Variants in ZFC3H1 observed in about 807,000 individuals in gnomAD.
ZFC3H1 encodes zinc finger C3H1-type containing, also known as zinc finger C3H1 domain-containing protein.
ZFC3H1 carries 71 observed loss-of-function variants against 243.7 expected under a neutral mutation model. The ratio of observed to expected loss-of-function variants is 0.29; its 90% CI spans 0.24 to 0.36. The LOEUF (loss-of-function observed/expected upper bound fraction) is 0.36. ZFC3H1 is among the 10% of genes least tolerant of loss of function. ZFC3H1 has a pLI of 1.00. For missense variants in ZFC3H1, 1,966 were observed against 2,317.1 expected, an observed-to-expected ratio of 0.85 and a Z score of 3.11; for synonymous variants, 838 against 813.0, an observed-to-expected ratio of 1.03 and a Z score of -0.52.
chr12:71,613,562 T>C (rs1378225437), intron 30 of ZFC3H1, 127 bp from the exon 31 acceptor site: 3 of 557,466 alleles, frequency 5.4e-6, no homozygotes, highest in African/African-American at 1.9e-5. Flanking sequence ...TAATGTATGA[T>C]GTTGTGAGTT....
rs1198197324 is a variant in ZFC3H1, at chr12:71,630,925, T to C, written c.3500A>G (p.Lys1167Arg). 2 of 1,612,070 alleles carry C rather than the reference T, an allele frequency of 1.2e-6. No individual in the cohort carries two copies. The highest frequency in any genetic ancestry group is 4.5e-5 in the East Asian group (2 of 44,756). The change falls in exon 17 of 35, where the codon AAA becomes AGA. Residue 1167 changes from lysine (K) to arginine (R), a missense_variant. Lys to Arg is a conservative substitution (Grantham distance 26, BLOSUM62 2). Around this residue, in one of 4 missense-constraint regions of ZFC3H1, gnomAD observed 1,383 missense variants for 1,723.7 expected, o/e 0.80. Transcript: ENST00000378743. ...RFSPYYRTKE[K>R]LPLSSVSYSN... ...GTATGATACTGAGCTCAGGGGAAGT[T>C]TTTCCTTGGTTCGATAATATGGACT...
chr12:71,661,625 G>T (rs1425986762), intron 1 of ZFC3H1, among the ~76,000 whole-genome samples: 1 of 151,550 alleles, frequency 6.6e-6, no homozygotes, highest in Non-Finnish European at 1.5e-5. Flanking sequence ...GGAAATACAA[G>T]CACCCAACAC....
Position 71,623,267 on chromosome 12 carries a change from C to G in ZFC3H1, c.4744+93G>C. 3.6e-6 allele frequency: 4 copies of G among 1,103,662 alleles called. No homozygotes were observed. In the South Asian group the frequency reaches 7.3e-5, roughly 20 times the overall value. 68.4% of individuals were successfully genotyped at this position (1,103,662 alleles called of 1,614,324 possible). ...AATATAGAGATATAAATTTGTTCCA[C>G]TTAATTACAGAGAATCACAATAATG... On this transcript the variant is annotated intron_variant, in intron 24 of 34. Coordinates refer to ENST00000378743, the MANE Select transcript of ZFC3H1 (RefSeq NM_144982.5).
chr12:71,644,797 G>A lies in ZFC3H1; in HGVS notation c.1279+80C>T, dbSNP rs575248301. 92 of 1,498,914 alleles carry A rather than the reference G, an allele frequency of 6.1e-5. 1 individual carries two copies. The highest frequency in any genetic ancestry group is 1.0e-4 in the Admixed American group (5 of 48,576). The allele number at this position is 1,498,914 out of a possible 1,614,324, so 92.9% of individuals were successfully genotyped here. On this transcript the variant is annotated intron_variant, in intron 4 of 34. Transcript: ENST00000378743. ...CATGCCACTGTACTCCAGCCTGGGC[G>A]ACAAGAGCAAAACTCTGTCTCAAAA... is the stretch of plus-strand genomic sequence containing the variant.
chr12:71,649,362 A>G (rs1298105191), intron 2 of ZFC3H1, among the ~76,000 whole-genome samples: 2 of 152,228 alleles, frequency 1.3e-5, no homozygotes, highest in Non-Finnish European at 2.9e-5. Flanking sequence ...GTTTTACTTC[A>G]TAATAACTCA....
chr12:71,615,466 C>G (rs1286047256), intron 27 of ZFC3H1, 150 bp from the exon 28 acceptor site: 3 of 612,984 alleles, frequency 4.9e-6, no homozygotes, highest in East Asian at 5.5e-5. Flanking sequence ...GTATACCATA[C>G]CTCTTTGGTC....
chr12:71,611,820 A>G lies in ZFC3H1; in HGVS notation c.5695T>C (p.Tyr1899His). Residue 1899 changes from tyrosine to histidine, a missense_variant, in exon 32 of 35, where the codon TAT (tyrosine) becomes CAT (histidine). This residue lies in a region of ZFC3H1 where 1,383 missense variants were observed against 1,723.7 expected (regional missense o/e 0.80). Coordinates refer to ENST00000378743, the MANE Select transcript of ZFC3H1 (RefSeq NM_144982.5). ...ILKLQAKMFT[Y>H]NIPTCLATWK... The stretch of plus-strand genomic sequence containing the variant: ...GTGGCCAGGCATGTTGGGATATTAT[A>G]TGTAAACATCTTGGCTTGAAGTTTC... 1 of 1,611,130 alleles carries G rather than the reference A, an allele frequency of 6.2e-7. No homozygotes were observed. Among genetic ancestry groups the G allele is most frequent in the Non-Finnish European group, 8.5e-7 (1 of 1,178,008 alleles).
chr12:71,630,410 A>C (rs1443907843), intron 18 of ZFC3H1, among the ~76,000 whole-genome samples, 190 bp downstream of exon 18: 1 of 152,204 alleles, frequency 6.6e-6, no homozygotes, highest in African/African-American at 2.4e-5. Context: ...GGTACTTGAA[A>C]TGTGGCTAGT....
chr12:71,613,596 T>C, intron 30 of ZFC3H1, 161 bp from the exon 31 acceptor site: 1 of 501,126 alleles, frequency 2.0e-6, no homozygotes. Flanking sequence ...TTAATTTTAT[T>C]AGTGACTTTC....
chr12:71,610,906 T>C, intron 33 of ZFC3H1, 149 bp from the exon 34 acceptor site: 1 of 1,418,676 alleles, frequency 7.0e-7, no homozygotes, highest in Non-Finnish European at 9.7e-7. Flanking sequence ...TTTGGTACTC[T>C]TAAAATGTTA....
At chr12:71,659,079 TTCTC>T (rs915185230) in intron 1 of ZFC3H1, among the ~76,000 whole-genome samples, 4 of 152,218 alleles carry the variant, frequency 2.6e-5, no homozygotes, top group Non-Finnish European at 5.9e-5. Context: ...ATTGAGTCTT[TTCTC>T]TCTAACTTGT....
intron 31 of ZFC3H1, among the ~76,000 whole-genome samples, chr12:71,612,160 C>A (rs1233470784): frequency 6.6e-6 from 1 of 151,866 alleles, no homozygotes; most frequent in African/African-American, 2.4e-5. Context: ...CGCCAAATAA[C>A]AGTCCCTGTT....
intron 3 of ZFC3H1, 101 bp downstream of exon 3, chr12:71,647,648 A>C: frequency 1.5e-6 from 1 of 649,052 alleles, no homozygotes; most frequent in Non-Finnish European, 2.6e-6. Flanking sequence ...GATGAAAGAA[A>C]ATAAGTGAAA....
intron 22 of ZFC3H1, 33 bp downstream of exon 22, chr12:71,626,227 C>CAT (rs1426955071): frequency 1.9e-6 from 3 of 1,606,302 alleles, no homozygotes; most frequent in Non-Finnish European, 1.7e-6. Flanking sequence ...CACACACACA[C>CAT]ACACACACAC....
intron 27 of ZFC3H1, among the ~76,000 whole-genome samples, chr12:71,616,883 A>T (rs1385951825): frequency 6.6e-6 from 1 of 152,216 alleles, no homozygotes; most frequent in Non-Finnish European, 1.5e-5. Context: ...TGAGATGGTC[A>T]GAAGAGATGA....
intron 5 of ZFC3H1, among the ~76,000 whole-genome samples, chr12:71,643,131 A>G (rs997564494): frequency 2.0e-5 from 3 of 152,178 alleles, no homozygotes; most frequent in Non-Finnish European, 4.4e-5. Flanking sequence ...GTAAAGAATA[A>G]TGTGCAAATA....
chr12:71,610,413 G>C lies in ZFC3H1; in HGVS notation c.*15C>G. On this transcript the variant is annotated 3_prime_UTR_variant, in exon 35 of 35. Transcript: ENST00000378743. ...GCAATTATTATAAGGACTTAGAACT[G>C]ACTGCACCCAGTGTTCAGTGATTCT... 1 of 1,611,408 alleles carries C rather than the reference G, an allele frequency of 6.2e-7. No homozygotes were observed.
chr12:71,610,571 A>G lies in ZFC3H1; in HGVS notation c.5833-6T>C. 1 of 1,613,150 alleles carries G rather than the reference A, an allele frequency of 6.2e-7. No homozygotes were observed. Among genetic ancestry groups the G allele is most frequent in the Non-Finnish European group, 8.5e-7 (1 of 1,179,502 alleles). ...GATGCTTCAAACAAGAGTTGCTGTA[A>G]AAGACAGGGAAGCATAGAAGTAAGA... On this transcript the variant is annotated splice_region_variant and splice_polypyrimidine_tract_variant and intron_variant, in intron 34 of 34. Coordinates refer to ENST00000378743, the MANE Select transcript of ZFC3H1 (RefSeq NM_144982.5).
chr12:71,618,521 T>C (rs2137518565), intron 27 of ZFC3H1, among the ~76,000 whole-genome samples: 1 of 152,364 alleles, frequency 6.6e-6, no homozygotes, highest in African/African-American at 2.4e-5. Flanking sequence ...ATGCCTATTT[T>C]TGTAAACAGT....
Sources: allele counts gnomAD v4.1 joint callset (sites outside exome capture counted in the v4.1 genomes callset), GRCh38; gene constraint gnomAD v4.1.1; regional missense constraint gnomAD v4.1.1; transcripts MANE v1.5; gene names NCBI Gene and HGNC (gene_info 2026-07-23, HGNC 2026-07-21).